TRAPPC13: variants seen among roughly 807,000 people sequenced by gnomAD.
The protein encoded by TRAPPC13 is REV7-interacting novel NHEJ regulator 1.
In TRAPPC13, 39 loss-of-function variants were observed where a neutral mutation model predicts 54.0. That is an observed-to-expected ratio of 0.72 (90% CI 0.56 to 0.94). TRAPPC13 has a LOEUF of 0.94. Ranked by LOEUF, TRAPPC13 falls within the 40% of genes least tolerant of loss-of-function variation. The pLI is 0.00. For missense variants in TRAPPC13, 386 were observed against 488.1 expected (o/e 0.79, Z 1.97); for synonymous variants, 148 against 167.7 (o/e 0.88, Z 0.91).
chr5:65,643,601 A>G (rs1038496033), intron 4 of TRAPPC13, among the ~76,000 whole-genome samples: 3 of 151,822 alleles, frequency 2.0e-5, no homozygotes, highest in Non-Finnish European at 2.9e-5. Context: ...GGCGGATCAC[A>G]AGGTCAGGAG....
intron 4 of TRAPPC13, among the ~76,000 whole-genome samples, chr5:65,646,806 C>G (rs1267953917): frequency 6.6e-6 from 1 of 152,058 alleles, no homozygotes; most frequent in African/African-American, 2.4e-5. Context: ...TGTTTATATT[C>G]CATTTTGAAT....
chr5:65,640,364 C>G (rs1374099816), intron 4 of TRAPPC13, among the ~76,000 whole-genome samples: 1 of 152,172 alleles, frequency 6.6e-6, no homozygotes, highest in Non-Finnish European at 1.5e-5. Flanking sequence ...TAGCAAGGCA[C>G]CGCCTCTACA....
chr5:65,654,470 T>C (rs995216740), intron 7 of TRAPPC13, among the ~76,000 whole-genome samples: 2 of 152,174 alleles, frequency 1.3e-5, no homozygotes, highest in African/African-American at 4.8e-5. Flanking sequence ...AGTGAACAAA[T>C]AGCATTTTGG....
chr5:65,649,172 C>T lies in TRAPPC13; in HGVS notation c.429-1638C>T, dbSNP rs547973550. Among the ~76,000 whole-genome samples the T allele has an allele frequency of 1.4e-4, 22 of 152,214 alleles. No homozygotes were observed. The South Asian group carries it at 3.7e-3, about 26-fold the overall frequency. ...TCAAGGCTTCAGTGATCCATGATCA[C>T]GCCACTGCTCTTCAGCCTGGGTGAC... On this transcript the variant is annotated intron_variant, in intron 5 of 12. Transcript: ENST00000399438.
At chr5:65,662,897 A>G (rs191415910) in intron 11 of TRAPPC13, 3 of 152,304 alleles carry the variant, frequency 2.0e-5, no homozygotes, top group Admixed American at 1.3e-4. Context: ...TCCAAAGCAC[A>G]GGTATTCATG....
At chr5:65,627,345 T>A (rs916943337) in intron 1 of TRAPPC13, among the ~76,000 whole-genome samples, 5 of 151,752 alleles carry the variant, frequency 3.3e-5, no homozygotes, top group Non-Finnish European at 7.4e-5. Flanking sequence ...GTTCACTTTA[T>A]CTTTTAATAT....
At chr5:65,637,039 A>G (rs1039894823) in intron 3 of TRAPPC13, among the ~76,000 whole-genome samples, 1 of 152,244 alleles carries the variant, frequency 6.6e-6, no homozygotes, top group Non-Finnish European at 1.5e-5. Flanking sequence ...TCAGGGAATA[A>G]GTTATTTCAA....
intron 4 of TRAPPC13, among the ~76,000 whole-genome samples, chr5:65,645,507 T>G (rs560455942): frequency 1.6e-4 from 24 of 151,964 alleles, no homozygotes; most frequent in African/African-American, 5.3e-4. Flanking sequence ...TAGAATTAAC[T>G]GCAAAACTGT....
At chr5:65,659,298 A>G (rs1318108223) in intron 9 of TRAPPC13, among the ~76,000 whole-genome samples, 5 of 152,220 alleles carry the variant, frequency 3.3e-5, no homozygotes, top group Admixed American at 6.5e-5. Context: ...CCATTACTAT[A>G]TTATGCAAAA....
chr5:65,640,742 G>A (rs145777359), intron 4 of TRAPPC13, among the ~76,000 whole-genome samples: 1 of 152,072 alleles, frequency 6.6e-6, no homozygotes, highest in African/African-American at 2.4e-5. Context: ...AATAGCAAAG[G>A]CATATACTTT....
At chr5:65,656,320 C>A (rs1190065614) in intron 8 of TRAPPC13, among the ~76,000 whole-genome samples, 1 of 152,090 alleles carries the variant, frequency 6.6e-6, no homozygotes, top group Non-Finnish European at 1.5e-5. Flanking sequence ...TTTATCTAAG[C>A]TCTTCCTAAA....
rs370605111 is a variant in TRAPPC13, at chr5:65,644,623, T to G, written c.301-2432T>G. Among the ~76,000 whole-genome samples, 15 of 152,364 alleles carry G rather than the reference T, an allele frequency of 9.8e-5. 1 individual carries two copies. In the East Asian group the frequency reaches 1.5e-3, roughly 16 times the overall value. On this transcript the variant is annotated intron_variant, in intron 4 of 12. Coordinates refer to ENST00000399438, the MANE Select transcript of TRAPPC13 (RefSeq NM_024941.4). ...ATATCTGGGCGCAGTGGCTAACACC[T>G]GTAATCCCAGCACTTTGGGAGCCCG...
chr5:65,661,834 A>G (rs921800816), intron 10 of TRAPPC13: 7 of 422,984 alleles, frequency 1.7e-5, no homozygotes, highest in Admixed American at 4.4e-5. Flanking sequence ...GAATAATTAT[A>G]TAACAAAAAC....
chr5:65,658,404 ATGACAACC>A lies in TRAPPC13; in HGVS notation c.603_610del (p.Met201IlefsTer57), dbSNP rs781707860. The A allele has an allele frequency of 1.3e-6, 2 of 1,598,934 alleles. No homozygotes were observed. The highest frequency in any genetic ancestry group is 3.4e-5 in the Admixed American group (2 of 58,148). On this transcript the variant is annotated frameshift_variant, in exon 9 of 13. Transcript: ENST00000399438. LOFTEE classifies it high-confidence loss of function. ...ATTTCTGGAAGCCCAGATTCAGAAT[ATGACAACC>A]TCACCTATGTTTATGGAGAAGGTTT...
chr5:65,633,429 C>T (rs569141809), intron 1 of TRAPPC13, among the ~76,000 whole-genome samples: 27 of 152,144 alleles, frequency 1.8e-4, no homozygotes, highest in South Asian at 1.0e-3. Flanking sequence ...TACAGGCGCC[C>T]GCCACCATGC....
chr5:65,654,174 T>A (rs914895541), intron 7 of TRAPPC13, among the ~76,000 whole-genome samples: 17 of 152,132 alleles, frequency 1.1e-4, no homozygotes, highest in African/African-American at 4.1e-4. Context: ...TTTTAAAAAT[T>A]GCTAGTTTTT....
At chr5:65,647,281 T>A in intron 5 of TRAPPC13, 99 bp downstream of exon 5, 1 of 1,042,032 alleles carries the variant, frequency 9.6e-7, no homozygotes. Context: ...CATAGGAACC[T>A]ACTTCAAAAG....
rs115508489 is a variant in TRAPPC13 at position 65,655,506 on chromosome 5, C to T, written c.547-130C>T. On this transcript the variant is annotated intron_variant, in intron 7 of 12. Coordinates refer to ENST00000399438, the MANE Select transcript of TRAPPC13 (RefSeq NM_024941.4). ...CTTTATGTTGCTTCCTGTTTACTTT[C>T]TTATTTACTAATGCTGTCTTGTTTA... is the stretch of plus-strand genomic sequence containing the variant. The T allele has an allele frequency of 4.4e-3, 1,251 of 287,352 alleles. 20 individuals carry two copies. The highest frequency in any genetic ancestry group is 0.025 in the African/African-American group (1,157 of 46,006). 17.8% of individuals were successfully genotyped at this position (287,352 alleles called of 1,614,324 possible).
Position 65,664,790 on chromosome 5 carries a change from A to G in TRAPPC13, c.*179A>G, listed in dbSNP as rs1015447677. ...GATCTGATTTTATCTTGTAATTTAT[A>G]TTTGAAATGAACATGTGTATATTTT... On this transcript the variant is annotated 3_prime_UTR_variant, in exon 13 of 13. Coordinates refer to ENST00000399438, the MANE Select transcript of TRAPPC13 (RefSeq NM_024941.4). The G allele has an allele frequency of 1.8e-5, 11 of 597,294 alleles. No individual in the cohort carries two copies. The African/African-American group carries it at 2.1e-4, about 11-fold the overall frequency. 37.0% of individuals were successfully genotyped at this position (597,294 alleles called of 1,614,324 possible). A position where few individuals can be genotyped will look rare whatever the true frequency, so the allele number is the denominator to read the frequency against.
Sources: gnomAD v4.1 joint callset for allele counts (sites outside exome capture counted in the v4.1 genomes callset) on GRCh38, gnomAD v4.1.1 for gene constraint, MANE v1.5 for transcripts, NCBI Gene and HGNC (gene_info 2026-07-23, HGNC 2026-07-21) for gene names.